The following GPKOW variants were observed in gnomAD, a reference collection of about 807,000 sequenced individuals.
The protein encoded by GPKOW is G-patch domain and KOW motifs, also known as G-patch domain and KOW motifs-containing protein.
For synonymous variants in GPKOW, 167 were observed against 159.1 expected, an observed-to-expected ratio of 1.05 and a Z score of -0.37; for missense variants, 359 against 404.7, an observed-to-expected ratio of 0.89 and a Z score of 0.97.
intron 3 of GPKOW, among the ~76,000 whole-genome samples, chrX:49,121,376 C>T (rs1170735163): frequency 1.8e-5 from 2 of 109,797 alleles, no homozygotes; most frequent in Non-Finnish European, 3.8e-5. Context: ...TGCAGTGAGC[C>T]GAGATCACAC....
intron 9 of GPKOW, among the ~76,000 whole-genome samples, chrX:49,114,479 C>A (rs1557089856): frequency 1.9e-5 from 2 of 107,242 alleles, no homozygotes; most frequent in African/African-American, 6.8e-5. Context: ...GTGGTCAGTG[C>A]CTGCAGTCCC....
intron 7 of GPKOW, 23 bp downstream of exon 7, chrX:49,116,198 C>T: frequency 3.5e-6 from 4 of 1,137,523 alleles, no homozygotes; most frequent in Non-Finnish European, 4.8e-6. Context: ...TTCTTGACCC[C>T]TCCCGCATGC....
chrX:49,117,656 G>C lies in GPKOW; in HGVS notation c.721C>G (p.Leu241Val). The C allele has an allele frequency of 3.3e-6, 4 of 1,210,340 alleles. No individual in the cohort carries two copies. In the South Asian group the frequency reaches 7.0e-5, roughly 21 times the overall value. Residue 241 changes from leucine (L) to valine (V), a missense_variant, in exon 5 of 11, where the codon CTG (leucine) becomes GTG (valine). Transcript: ENST00000156109. ...ACCACCACAGCTCCTCCAGGCACCA[G>C]CCCTTGAGGCTGATCTTCCTTATCT... ...EKDKEDQPQG[L>V]VPGGAVVVLS...
Position 49,113,631 on chromosome X carries a change from T to A in GPKOW, c.1421A>T (p.Asp474Val), listed in dbSNP as rs1169799000. ...GAGGAGTCCCATGGGTCAGTCATCATCTGTGTCACTAGGGCCCATGTACTG... is the reference window on the plus strand; with the variant it reads ...GAGGAGTCCCATGGGTCAGTCATCAACTGTGTCACTAGGGCCCATGTACTG... Reference protein sequence around the residue: ...ICQYMGPSDTDDD With the variant: ...ICQYMGPSDTVDD Residue 474 changes from aspartate to valine, a missense_variant, in exon 11 of 11, where the codon GAT becomes GTT. Transcript: ENST00000156109. The A allele has an allele frequency of 9.1e-6, 11 of 1,210,238 alleles. No homozygotes were observed. The highest frequency in any genetic ancestry group is 1.2e-5 in the Non-Finnish European group (11 of 894,279).
rs782015404 is a variant in GPKOW, at chrX:49,119,789, G to A, written c.482C>T (p.Ala161Val). The change falls in exon 4 of 11, where the codon GCG becomes GTG. Residue 161 changes from alanine to valine, a missense_variant. By Grantham distance (64) the Ala-to-Val change is moderately conservative. Coordinates refer to ENST00000156109, the MANE Select transcript of GPKOW (RefSeq NM_015698.6). ...ETVPEEANYE[A>V]VPVEAYGLAM... ...CAGCCCATAGGCCTCCACGGGGACC[G>A]CCTCATAATTAGCCTCCTCTGGCAC... is the stretch of plus-strand genomic sequence containing the variant. 42 of 1,190,939 alleles carry A rather than the reference G, an allele frequency of 3.5e-5. No homozygotes were observed. In the Middle Eastern group the frequency reaches 3.7e-3, roughly 105 times the overall value.
intron 4 of GPKOW, among the ~76,000 whole-genome samples, chrX:49,118,557 G>A (rs1305228455): frequency 9.3e-6 from 1 of 107,923 alleles, no homozygotes; most frequent in Non-Finnish European, 1.9e-5. Context: ...TGGTCAACAT[G>A]GGGAAACCCC....
chrX:49,121,855 C>T (rs2065214068), intron 3 of GPKOW, among the ~76,000 whole-genome samples: 1 of 112,040 alleles, frequency 8.9e-6, no homozygotes, highest in Admixed American at 9.6e-5. Context: ...TCCCCAGCAT[C>T]TCTAGCCTGG....
chrX:49,113,853 C>T lies in GPKOW; in HGVS notation c.1296G>A (p.Arg432=), dbSNP rs1557089720. The T allele has an allele frequency of 8.3e-7, 1 of 1,206,766 alleles. No homozygotes were observed. Among genetic ancestry groups the T allele is most frequent in the Admixed American group, 2.2e-5 (1 of 45,975 alleles). The change falls in exon 10 of 11, where the codon AGG becomes AGA. Residue 432 remains arginine, a splice_region_variant and synonymous_variant. Transcript: ENST00000156109. ...VMVVLGPQTG[R]VGHLLSRDRA... ...CTCTACTGCCAGGTCTGAGACTCAC[C>T]CTTCCAGTCTGTGGGCCCAGCACCA...
chrX:49,119,037 C>T (rs1196932880), intron 4 of GPKOW, among the ~76,000 whole-genome samples: 8 of 104,924 alleles, frequency 7.6e-5, no homozygotes, highest in African/African-American at 2.8e-4. Flanking sequence ...CTGCAAGCTC[C>T]GCCTCCCAGG....
rs1557089648 is a variant in GPKOW, at chrX:49,113,471, T to C, written c.*150A>G. On this transcript the variant is annotated 3_prime_UTR_variant, in exon 11 of 11. Transcript: ENST00000156109. Reference sequence around the variant, plus strand: ...ATATTGGGTTTGTTTCTAGCTTCCCTACTGGTTCACCCATCCCTTTCCCTT... The same window carrying C: ...ATATTGGGTTTGTTTCTAGCTTCCCCACTGGTTCACCCATCCCTTTCCCTT... 3.8e-6 allele frequency: 2 copies of C among 526,058 alleles called. No homozygotes were observed. Among genetic ancestry groups the C allele is most frequent in the African/African-American group, 2.3e-5 (1 of 42,584 alleles). The allele number at this position is 526,058 out of a possible 1,213,427, so 43.4% of individuals were successfully genotyped here. A position where few individuals can be genotyped will look rare whatever the true frequency, so the allele number is the denominator to read the frequency against.
At chrX:49,121,343 G>A (rs915468861) in intron 3 of GPKOW, among the ~76,000 whole-genome samples, 12 of 110,546 alleles carry the variant, frequency 1.1e-4, no homozygotes, top group African/African-American at 4.0e-4. Flanking sequence ...CAGGAGAATC[G>A]CTTGATCCCA....
At position 49,115,943 on chromosome X, in the gene GPKOW, C is replaced by A. The variant is rs782481803; in HGVS notation, c.1088G>T (p.Arg363Leu). The A allele has an allele frequency of 3.3e-6, 4 of 1,208,352 alleles. No individual in the cohort carries two copies. In the African/African-American group the frequency reaches 5.2e-5, roughly 16 times the overall value. ...RSQHWLHRDL[R>L]VRFVDNMYKG... is the part of the protein sequence containing the mutation. Reference sequence around the variant, plus strand: ...GTACATGTTGTCCACAAACCGCACACGCAGGTCCCTGTGCAACCAGTGCTG... The same window carrying A: ...GTACATGTTGTCCACAAACCGCACAAGCAGGTCCCTGTGCAACCAGTGCTG... The change falls in exon 8 of 11, where the codon CGT (arginine) becomes CTT (leucine). Residue 363 changes from arginine (R) to leucine (L), a missense_variant. Transcript: ENST00000156109.
intron 3 of GPKOW, 93 bp downstream of exon 3, chrX:49,122,305 A>G: frequency 1.3e-6 from 1 of 798,032 alleles, no homozygotes; most frequent in Admixed American, 4.4e-5. Context: ...CCTCTAGCAC[A>G]CACACAGACT....
rs1557090139 is a variant in GPKOW at position 49,115,790 on chromosome X, T to G, written c.1146A>C (p.Ile382=). The G allele has an allele frequency of 2.5e-6, 3 of 1,205,067 alleles. No individual in the cohort carries two copies. The change falls in exon 9 of 11, where the codon ATA becomes ATC. Residue 382 remains isoleucine, a synonymous_variant. Transcript: ENST00000156109. ...TATCTGGGCTTAGGACATCTTCAAT[T>G]ATCATCTGGGGATACAGGTCAGGGG... ...KGGQYYNTKM[I]IEDVLSPDTC...
chrX:49,117,003 C>T (rs375430138), intron 6 of GPKOW, 27 bp downstream of exon 6: 35 of 1,194,499 alleles, frequency 2.9e-5, no homozygotes, highest in Non-Finnish European at 7.9e-6. Context: ...TTGCCAACTC[C>T]CCTAGCTCTA....
chrX:49,114,199 G>A (rs782700718), intron 9 of GPKOW, among the ~76,000 whole-genome samples: 1 of 111,133 alleles, frequency 9.0e-6, no homozygotes, highest in African/African-American at 3.3e-5. Context: ...GAGTGCAATG[G>A]TGTGGTCTTG....
rs1415159121 is a variant in GPKOW at position 49,113,416 on chromosome X, T to C, written c.*205A>G. 2.4e-6 allele frequency: 1 copy of C among 418,985 alleles called. No homozygotes were observed. Among genetic ancestry groups the C allele is most frequent in the African/African-American group, 2.5e-5 (1 of 40,143 alleles). 34.5% of individuals were successfully genotyped at this position (418,985 alleles called of 1,213,427 possible). A position where few individuals can be genotyped will look rare whatever the true frequency, so the allele number is the denominator to read the frequency against. Reference sequence around the variant, plus strand: ...TCATCTTTCTATTAAGTACTTGAAATGGTTTTTATTATACCCTAAATTTTG... The same window carrying C: ...TCATCTTTCTATTAAGTACTTGAAACGGTTTTTATTATACCCTAAATTTTG... On this transcript the variant is annotated 3_prime_UTR_variant, in exon 11 of 11. Coordinates refer to ENST00000156109, the MANE Select transcript of GPKOW (RefSeq NM_015698.6).
At position 49,115,998 on chromosome X, in the gene GPKOW, C is replaced by T; in HGVS notation, c.1033G>A (p.Ala345Thr). ...HLPDRQDGPA[A>T]KSEKAAPRSQ... is the part of the protein sequence containing the mutation. ...CTGGGGGCTGCTTTCTCACTCTTGG[C>T]TGCAGGCCCATCCTGTCTGTGGAGA... The change falls in exon 8 of 11, where the codon GCC (alanine) becomes ACC (threonine). Residue 345 changes from alanine (A) to threonine (T), a missense_variant. Physicochemically the swap from Ala to Thr is moderately conservative, Grantham distance 58. Coordinates refer to ENST00000156109, the MANE Select transcript of GPKOW (RefSeq NM_015698.6). The T allele has an allele frequency of 1.7e-6, 2 of 1,211,867 alleles. No individual in the cohort carries two copies. Among genetic ancestry groups the T allele is most frequent in the Non-Finnish European group, 2.2e-6 (2 of 895,401 alleles).
At chrX:49,123,261 C>T (rs1181504894) in intron 1 of GPKOW, among the ~76,000 whole-genome samples, 2 of 111,625 alleles carry the variant, frequency 1.8e-5, no homozygotes, top group Non-Finnish European at 3.8e-5. Flanking sequence ...CAGGTCCTGT[C>T]ATTTTCTCAT....
Sources: allele counts gnomAD v4.1 joint callset (sites outside exome capture counted in the v4.1 genomes callset), GRCh38; gene constraint gnomAD v4.1.1; transcripts MANE v1.5; gene names NCBI Gene and HGNC (gene_info 2026-07-23, HGNC 2026-07-21).